DGKB: variants seen among roughly 807,000 people sequenced by gnomAD.
The protein encoded by DGKB is 90 kDa diacylglycerol kinase.
In DGKB, 67 loss-of-function variants were observed where a neutral mutation model predicts 114.3. The ratio of observed to expected loss-of-function variants is 0.59; its 90% CI spans 0.48 to 0.72. The LOEUF is 0.72. Among genes scored for constraint, DGKB ranks in the 30% least tolerant of loss-of-function variants. The probability of loss-of-function intolerance (pLI) is 0.00; values close to 1 mark genes in which losing one functional copy is unlikely to be tolerated. For missense variants in DGKB, 907 were observed against 975.2 expected (o/e 0.93, Z 0.93); for synonymous variants, 398 against 323.1 (o/e 1.23, Z -2.49).
chr7:14,368,667 C>G (rs1319592), intron 21 of DGKB, among the ~76,000 whole-genome samples: 88,585 of 151,500 alleles, frequency 0.58, 26,228 homozygotes, highest in East Asian at 0.65. Flanking sequence ...GAAAACACTA[C>G]GACAAAGTTA....
At position 14,542,607 on chromosome 7, in the gene DGKB, C is replaced by T. The variant is rs368913899; in HGVS notation, c.1770+31605G>A. ...TGAACCATCCTGTAGCTGCCACTCC[C>T]CAGCAGAGGCAAAAGATTCAGACAT... On this transcript the variant is annotated intron_variant, in intron 20 of 25. Transcript: ENST00000402815. 2.6e-5 allele frequency among the ~76,000 whole-genome samples: 4 copies of T among 152,104 alleles called. No individual in the cohort carries two copies. The East Asian group carries it at 7.7e-4, about 29-fold the overall frequency.
At chr7:14,497,847 T>C (rs1057171398) in intron 20 of DGKB, among the ~76,000 whole-genome samples, 2 of 151,924 alleles carry the variant, frequency 1.3e-5, no homozygotes, top group Non-Finnish European at 2.9e-5. Context: ...TGGCTTGTTA[T>C]CTTATTTCCA....
chr7:14,961,035 C>A (rs1786812142), intron 1 of DGKB, among the ~76,000 whole-genome samples: 2 of 152,020 alleles, frequency 1.3e-5, no homozygotes, highest in African/African-American at 2.4e-5. Flanking sequence ...CACTAAAAAT[C>A]ACTGACATGA....
At chr7:14,809,988 G>A (rs543031818) in intron 2 of DGKB, among the ~76,000 whole-genome samples, 1 of 152,178 alleles carries the variant, frequency 6.6e-6, no homozygotes, top group East Asian at 1.9e-4. Context: ...CACTAAATCT[G>A]ATGCACAAGC....
intron 20 of DGKB, among the ~76,000 whole-genome samples, chr7:14,517,762 C>A (rs1364621369): frequency 6.6e-6 from 1 of 151,944 alleles, no homozygotes; most frequent in South Asian, 2.1e-4. Flanking sequence ...CAATGAGATA[C>A]CATCCCATAC....
intron 2 of DGKB, among the ~76,000 whole-genome samples, chr7:14,827,334 G>T (rs17368281): frequency 0.31 from 47,776 of 151,936 alleles, 9,746 homozygotes; most frequent in Non-Finnish European, 0.44. Flanking sequence ...ATCCAAGTAT[G>T]CCACTGAAAG....
intron 20 of DGKB, among the ~76,000 whole-genome samples, chr7:14,571,944 T>C (rs1289444808): frequency 6.6e-6 from 1 of 151,914 alleles, no homozygotes; most frequent in East Asian, 1.9e-4. Context: ...TGTGGGCAGA[T>C]AAAAATCCAG....
chr7:14,527,986 G>C (rs752022770), intron 20 of DGKB, among the ~76,000 whole-genome samples: 2 of 152,048 alleles, frequency 1.3e-5, no homozygotes, highest in Non-Finnish European at 2.9e-5. Context: ...CCTATACCAT[G>C]TAATTTTAAA....
intron 23 of DGKB, among the ~76,000 whole-genome samples, chr7:14,319,383 G>T (rs1320293067): frequency 6.6e-6 from 1 of 151,976 alleles, no homozygotes; most frequent in Non-Finnish European, 1.5e-5. Flanking sequence ...TTTATAAAAA[G>T]CAATACAGTG....
chr7:14,861,593 T>C (rs1850985957), intron 1 of DGKB, among the ~76,000 whole-genome samples: 3 of 151,956 alleles, frequency 2.0e-5, no homozygotes, highest in Non-Finnish European at 2.9e-5. Context: ...TAGATGCCTG[T>C]TTGCCTGTCT....
rs1385632013 is a variant in DGKB at position 14,943,588 on chromosome 7, G to C, written c.-188+31108C>G. Among the ~76,000 whole-genome samples the C allele has an allele frequency of 2.0e-5, 3 of 151,460 alleles. No individual in the cohort carries two copies. The East Asian group carries it at 5.8e-4, about 29-fold the overall frequency. ...ATAATCCAGAGACATTTTTTGGCCA[G>C]ACATTTGTTATAAAGAAATTTGATT... On this transcript the variant is annotated intron_variant, in intron 1 of 4. Transcript: ENST00000437998.
intron 21 of DGKB, among the ~76,000 whole-genome samples, chr7:14,382,278 C>T (rs1408868342): frequency 6.6e-6 from 1 of 151,172 alleles, no homozygotes; most frequent in African/African-American, 2.4e-5. Flanking sequence ...CACAGATATA[C>T]AAACAGTGGC....
chr7:14,477,489 C>CT (rs1202158606), intron 21 of DGKB, among the ~76,000 whole-genome samples: 1 of 152,170 alleles, frequency 6.6e-6, no homozygotes, highest in Non-Finnish European at 1.5e-5. Context: ...TTCTGCCCCA[C>CT]TTTTCTAGGG....
In DGKB at chr7:14,238,104, G is replaced by GAAAT. The variant is rs1306070740; in HGVS notation, c.2123-59957_2123-59954dup. On this transcript the variant is annotated intron_variant, in intron 23 of 25. Transcript: ENST00000402815. The stretch of plus-strand genomic sequence containing the variant: ...TCTGAAACTCATAACCCTTTTATCA[G>GAAAT]AAATAAGAATTAATGAAAACTGTTT... Among the ~76,000 whole-genome samples, 4 of 151,956 alleles carry GAAAT rather than the reference G, an allele frequency of 2.6e-5. 1 individual carries two copies. Among genetic ancestry groups the GAAAT allele is most frequent in the Admixed American group, 2.0e-4 (3 of 15,218 alleles).
At chr7:14,459,332 T>C (rs1011933610) in intron 21 of DGKB, among the ~76,000 whole-genome samples, 1 of 151,968 alleles carries the variant, frequency 6.6e-6, no homozygotes, top group South Asian at 2.1e-4. Flanking sequence ...TCTAACCCAA[T>C]GCAAGGAAGC....
intron 20 of DGKB, among the ~76,000 whole-genome samples, chr7:14,561,438 C>A (rs149542018): frequency 6.6e-6 from 1 of 152,050 alleles, no homozygotes; most frequent in Admixed American, 6.6e-5. Flanking sequence ...TTTAAAGATA[C>A]CCCAAAATGG....
rs994151614 is a variant in DGKB, at chr7:14,945,530, G to C, written c.-188+29166C>G. Among the ~76,000 whole-genome samples the C allele has an allele frequency of 2.0e-5, 3 of 151,730 alleles. No homozygotes were observed. The Admixed American group carries it at 2.0e-4, about 10-fold the overall frequency. ...GGTTACAAATAAACATACACAATCA[G>C]ATCTTTTATAAATATCCATTAATGT... On this transcript the variant is annotated intron_variant, in intron 1 of 4. Transcript: ENST00000437998.
intron 20 of DGKB, among the ~76,000 whole-genome samples, chr7:14,519,621 T>C (rs1426880059): frequency 1.3e-5 from 2 of 152,056 alleles, no homozygotes; most frequent in East Asian, 3.9e-4. Flanking sequence ...AATTAACTTC[T>C]TAAGAAACTT....
intron 20 of DGKB, among the ~76,000 whole-genome samples, chr7:14,559,311 T>C (rs1329603972): frequency 3.3e-5 from 5 of 152,180 alleles, no homozygotes; most frequent in Non-Finnish European, 5.9e-5. Context: ...CACTATATCA[T>C]GTTATGTCTC....
Sources: gnomAD v4.1 joint callset for allele counts (sites outside exome capture counted in the v4.1 genomes callset) on GRCh38, gnomAD v4.1.1 for gene constraint, MANE v1.5 for transcripts, NCBI Gene and HGNC (gene_info 2026-07-23, HGNC 2026-07-21) for gene names.